The following CHCHD6 variants were observed in gnomAD, a reference collection of about 807,000 sequenced individuals.
The protein encoded by CHCHD6 is MICOS complex subunit MIC25.
Under a neutral mutation model 32.3 loss-of-function variants are expected in CHCHD6, and 28 were observed. The observed-to-expected ratio is 0.87, with a 90% confidence interval of 0.64 to 1.19. The LOEUF is 1.19. Ranked by LOEUF, CHCHD6 falls within the 50% of genes most tolerant of loss-of-function variation. CHCHD6 has a pLI of 0.00. For missense variants in CHCHD6, 333 were observed against 307.0 expected, an observed-to-expected ratio of 1.08 and a Z score of -0.63; for synonymous variants, 122 against 117.5, an observed-to-expected ratio of 1.04 and a Z score of -0.25.
intron 4 of CHCHD6, among the ~76,000 whole-genome samples, chr3:126,737,616 A>G (rs1239523662): frequency 6.6e-6 from 1 of 152,072 alleles, no homozygotes; most frequent in Non-Finnish European, 1.5e-5. Context: ...TCGAGGAGCA[A>G]GGAGGCAGTA....
intron 5 of CHCHD6, among the ~76,000 whole-genome samples, chr3:126,858,168 G>A (rs1941727208): frequency 6.6e-6 from 1 of 152,180 alleles, no homozygotes; most frequent in Non-Finnish European, 1.5e-5. Context: ...GGGTAGGGAA[G>A]AGGACCTACA....
chr3:126,772,624 G>T (rs1037425337), intron 4 of CHCHD6, among the ~76,000 whole-genome samples: 4 of 152,198 alleles, frequency 2.6e-5, no homozygotes, highest in African/African-American at 9.6e-5. Flanking sequence ...TGAGCCTGTG[G>T]ATGTCATTGC....
At chr3:126,936,704 C>T (rs1374425331) in intron 6 of CHCHD6, among the ~76,000 whole-genome samples, 1 of 152,102 alleles carries the variant, frequency 6.6e-6, no homozygotes, top group African/African-American at 2.4e-5. Context: ...TACAGGCATG[C>T]ACCACCACGC....
At position 126,764,663 on chromosome 3, in the gene CHCHD6, C is replaced by T. The variant is rs543652287; in HGVS notation, c.411+31441C>T. 4.6e-5 allele frequency among the ~76,000 whole-genome samples: 7 copies of T among 152,280 alleles called. 1 individual carries two copies. Among genetic ancestry groups the T allele is most frequent in the South Asian group, 4.1e-4 (2 of 4,830 alleles). ...GCAAAGGCTAGGACTTCGGGTGCTG[C>T]GTCCTCAACCCTCTGGGTGACCACA... On this transcript the variant is annotated intron_variant, in intron 4 of 7. Transcript: ENST00000290913.
At chr3:126,761,130 A>AAT (rs745362357) in intron 4 of CHCHD6, among the ~76,000 whole-genome samples, 6 of 152,132 alleles carry the variant, frequency 3.9e-5, no homozygotes, top group Admixed American at 6.5e-5. Flanking sequence ...GTGCCTTGCC[A>AAT]ATATATATAT....
intron 7 of CHCHD6, among the ~76,000 whole-genome samples, chr3:126,958,888 A>G (rs1373975754): frequency 6.6e-6 from 1 of 152,202 alleles, no homozygotes; most frequent in Non-Finnish European, 1.5e-5. Context: ...ACTCACCAGC[A>G]AAGTGAAGCC....
chr3:126,943,498 A>G (rs1022023069), intron 6 of CHCHD6, among the ~76,000 whole-genome samples: 2 of 152,184 alleles, frequency 1.3e-5, no homozygotes, highest in Non-Finnish European at 2.9e-5. Context: ...AAGGGAAGTC[A>G]GTTCTGGTCC....
intron 1 of CHCHD6, among the ~76,000 whole-genome samples, chr3:126,718,169 G>A (rs916458601): frequency 1.3e-5 from 2 of 152,194 alleles, no homozygotes; most frequent in Admixed American, 1.3e-4. Context: ...GCTCAAGGTT[G>A]CAAAGCTACA....
intron 4 of CHCHD6, among the ~76,000 whole-genome samples, chr3:126,786,921 T>A (rs1424209069): frequency 3.3e-5 from 5 of 152,306 alleles, no homozygotes; most frequent in East Asian, 1.9e-4. Context: ...CTGAATGGTA[T>A]TGCCTATGTT....
Position 126,933,510 on chromosome 3 carries a change from G to T in CHCHD6, c.566+18760G>T, listed in dbSNP as rs1171037504. Among the ~76,000 whole-genome samples, 3 of 152,210 alleles carry T rather than the reference G, an allele frequency of 2.0e-5. No individual in the cohort carries two copies. In the South Asian group the frequency reaches 6.2e-4, roughly 32 times the overall value. ...CCAGCATCTTCTCAGCTTCTGGGGA[G>T]GCCTCAGGAAGCTTACAATTATGGA... is the stretch of plus-strand genomic sequence containing the variant. On this transcript the variant is annotated intron_variant, in intron 6 of 7. Transcript: ENST00000290913.
rs547437521 is a variant in CHCHD6, at chr3:126,781,911, G to A, written c.411+48689G>A. Among the ~76,000 whole-genome samples, 3 of 152,168 alleles carry A rather than the reference G, an allele frequency of 2.0e-5. No individual in the cohort carries two copies. In the South Asian group the frequency reaches 6.2e-4, roughly 32 times the overall value. ...GCCCTTGTCTTTGCCAGCAGTGAAG[G>A]GGAAAAGCCTCTTCTTGGAGGGTGG... On this transcript the variant is annotated intron_variant, in intron 4 of 7. Transcript: ENST00000290913.
chr3:126,958,269 C>T (rs2078815297), intron 7 of CHCHD6, among the ~76,000 whole-genome samples: 1 of 152,126 alleles, frequency 6.6e-6, no homozygotes, highest in Non-Finnish European at 1.5e-5. Context: ...ACCCTTGCCC[C>T]ACCCCAACAG....
At chr3:126,815,230 C>T (rs988131601) in intron 4 of CHCHD6, among the ~76,000 whole-genome samples, 2 of 152,254 alleles carry the variant, frequency 1.3e-5, no homozygotes, top group Non-Finnish European at 2.9e-5. Context: ...CACCAAAGCT[C>T]TGTTATTATT....
intron 5 of CHCHD6, among the ~76,000 whole-genome samples, chr3:126,860,687 A>G (rs1447330611): frequency 3.3e-5 from 5 of 152,208 alleles, no homozygotes; most frequent in African/African-American, 1.2e-4. Flanking sequence ...TAATGGTACC[A>G]CCATGAAAGC....
Position 126,854,414 on chromosome 3 carries a change from TAGG to T in CHCHD6, c.495+1689_495+1691del, listed in dbSNP as rs1348328988. 2.6e-5 allele frequency among the ~76,000 whole-genome samples: 4 copies of T among 151,418 alleles called. No individual in the cohort carries two copies. In the East Asian group the frequency reaches 5.8e-4, roughly 22 times the overall value. On this transcript the variant is annotated intron_variant, in intron 5 of 7. Coordinates refer to ENST00000290913, the MANE Select transcript of CHCHD6 (RefSeq NM_032343.3). ...AGGAAATGGAGATTGGTGTGGGAGATAGGAGGATTAAAGGGGAGCCAGGGGGAG... is the reference window on the plus strand; with the variant it reads ...AGGAAATGGAGATTGGTGTGGGAGATAGGATTAAAGGGGAGCCAGGGGGAG...
At chr3:126,898,212 C>A (rs1305717215) in intron 5 of CHCHD6, among the ~76,000 whole-genome samples, 5 of 152,244 alleles carry the variant, frequency 3.3e-5, no homozygotes, top group African/African-American at 1.2e-4. Context: ...GGAACGAGGT[C>A]CCCCTGCTCT....
chr3:126,725,021 C>T (rs1224615204), intron 1 of CHCHD6, among the ~76,000 whole-genome samples: 2 of 152,170 alleles, frequency 1.3e-5, no homozygotes, highest in Non-Finnish European at 2.9e-5. Flanking sequence ...TTGGAATCTA[C>T]TTCTTTTAGA....
intron 5 of CHCHD6, among the ~76,000 whole-genome samples, chr3:126,892,953 GTTGTTTTGTT>G (rs199872466): frequency 0.011 from 1,646 of 151,694 alleles, 27 homozygotes; most frequent in African/African-American, 0.033. Flanking sequence ...TGTTGTTGTT[GTTGTTTTGTT>G]TTGTTTTGTT....
intron 4 of CHCHD6, among the ~76,000 whole-genome samples, chr3:126,804,517 A>G (rs2107692481): frequency 6.6e-6 from 1 of 152,368 alleles, no homozygotes; most frequent in South Asian, 2.1e-4. Flanking sequence ...AACCAGGAAG[A>G]AGTTGAATCT....
Sources: gnomAD v4.1 joint callset for allele counts (sites outside exome capture counted in the v4.1 genomes callset) on GRCh38, gnomAD v4.1.1 for gene constraint, MANE v1.5 for transcripts, NCBI Gene and HGNC (gene_info 2026-07-23, HGNC 2026-07-21) for gene names.